STS: variants seen among roughly 807,000 people sequenced by gnomAD.
STS encodes the protein steroid sulfatase, also known as steryl-sulfatase.
STS carries 7 observed loss-of-function variants against 26.8 expected under a neutral mutation model. That is an observed-to-expected ratio of 0.26 (90% CI 0.15 to 0.49). The LOEUF is 0.49. Ranked by LOEUF, STS falls within the 20% of genes least tolerant of loss-of-function variation. The pLI is 0.98. For missense variants in STS, 434 were observed against 465.6 expected (o/e 0.93, Z 0.63); for synonymous variants, 199 against 189.4 (o/e 1.05, Z -0.42).
At chrX:7,260,066 G>A (rs1242454987) in intron 6 of STS, among the ~76,000 whole-genome samples, 1 of 111,414 alleles carries the variant, frequency 9.0e-6, no homozygotes, top group Non-Finnish European at 1.9e-5. Flanking sequence ...TAGTAGAGAC[G>A]GGGTTTCACC....
chrX:7,301,354 T>C (rs1925957502), intron 7 of STS, among the ~76,000 whole-genome samples: 1 of 110,750 alleles, frequency 9.0e-6, no homozygotes, highest in Non-Finnish European at 1.9e-5. Context: ...ATTGTGACAC[T>C]GCACTTCAGC....
chrX:7,157,180 C>T (rs1208584391), intron 1 of STS, among the ~76,000 whole-genome samples: 1 of 111,860 alleles, frequency 8.9e-6, no homozygotes, highest in Admixed American at 9.5e-5. Context: ...GCTCTCATCC[C>T]ACTTGCCCAA....
chrX:7,232,376 C>G (rs1287950858), intron 2 of STS, among the ~76,000 whole-genome samples: 2 of 111,571 alleles, frequency 1.8e-5, no homozygotes, highest in Non-Finnish European at 3.8e-5. Flanking sequence ...GACTTTATCC[C>G]CTTTATTTTT....
intron 7 of STS, among the ~76,000 whole-genome samples, chrX:7,277,753 A>G (rs1326266949): frequency 8.9e-6 from 1 of 112,530 alleles, no homozygotes; most frequent in Non-Finnish European, 1.9e-5. Context: ...TATAAGAAGA[A>G]TGCATTACGC....
chrX:7,219,566 G>A (rs1194894460), intron 2 of STS: 4 of 1,205,999 alleles, frequency 3.3e-6, no homozygotes, highest in Non-Finnish European at 4.5e-6. Context: ...ATGGGAATAT[G>A]CTTATTAAAC....
At chrX:7,325,536 T>C (rs1424694625) in intron 9 of STS, 38 bp downstream of exon 9, 8 of 1,198,352 alleles carry the variant, frequency 6.7e-6, no homozygotes, top group Non-Finnish European at 9.0e-6. Context: ...TGTTGAGCTC[T>C]GATTTCACAG....
intron 2 of STS, among the ~76,000 whole-genome samples, chrX:7,240,293 G>T (rs1419374561): frequency 9.2e-6 from 1 of 108,388 alleles, no homozygotes; most frequent in Non-Finnish European, 1.9e-5. Context: ...TGAATGATAT[G>T]CTGAGCTAAC....
chrX:7,330,408 A>G (rs998963945), intron 9 of STS, among the ~76,000 whole-genome samples: 1 of 112,081 alleles, frequency 8.9e-6, no homozygotes, highest in Non-Finnish European at 1.9e-5. Context: ...CATTTTAACC[A>G]TAGACCCTTC....
chrX:7,219,047 A>G (rs1259342446), intron 2 of STS, among the ~76,000 whole-genome samples: 1 of 112,223 alleles, frequency 8.9e-6, no homozygotes, highest in Non-Finnish European at 1.9e-5. Flanking sequence ...AAAAGCTAAA[A>G]CCACCTCAGC....
At chrX:7,167,588 G>A (rs1387436647) in intron 1 of STS, among the ~76,000 whole-genome samples, 2 of 112,155 alleles carry the variant, frequency 1.8e-5, no homozygotes, top group African/African-American at 3.2e-5. Flanking sequence ...CTCTTCATGA[G>A]AGGCATCTTA....
At chrX:7,298,731 T>C (rs1220711321) in intron 7 of STS, among the ~76,000 whole-genome samples, 1 of 109,399 alleles carries the variant, frequency 9.1e-6, no homozygotes, top group Non-Finnish European at 1.9e-5. Context: ...GCAACTCTTA[T>C]CTATCTTAAA....
intron 8 of STS, among the ~76,000 whole-genome samples, chrX:7,325,002 G>T (rs1479832722): frequency 9.0e-6 from 1 of 111,079 alleles, no homozygotes; most frequent in Non-Finnish European, 1.9e-5. Flanking sequence ...CACAGCTGGT[G>T]TAAAGTAGAA....
At chrX:7,326,479 T>G (rs1927481900) in intron 9 of STS, among the ~76,000 whole-genome samples, 2 of 111,643 alleles carry the variant, frequency 1.8e-5, no homozygotes, top group Admixed American at 1.9e-4. Flanking sequence ...CACCTTTTCC[T>G]TTGTCCACAC....
chrX:7,162,264 C>T (rs1933259074), intron 1 of STS, among the ~76,000 whole-genome samples: 1 of 111,606 alleles, frequency 9.0e-6, no homozygotes, highest in Non-Finnish European at 1.9e-5. Flanking sequence ...GAGGATGTGG[C>T]AATGATGAAG....
At chrX:7,204,715 A>C (rs802885) in intron 2 of STS, among the ~76,000 whole-genome samples, 6 of 91,262 alleles carry the variant, frequency 6.6e-5, no homozygotes, top group African/African-American at 2.0e-4. Flanking sequence ...TCATTCCTTC[A>C]TTTTTCCTTC....
Position 7,235,130 on chromosome X carries a change from G to A in STS, c.-4-18066G>A, listed in dbSNP as rs1251087423. Among the ~76,000 whole-genome samples the A allele has an allele frequency of 3.6e-5, 4 of 112,143 alleles. No homozygotes were observed. The East Asian group carries it at 1.1e-3, about 31-fold the overall frequency. ...GGTAAGCTGTGATGAGTGGTTCATA[G>A]CAAAGCATTTGGATTTGGAGGTTGG... On this transcript the variant is annotated intron_variant, in intron 2 of 10. Coordinates refer to ENST00000674429, the MANE Select transcript of STS (RefSeq NM_001320752.2).
At chrX:7,298,510 AT>A (rs1416724540) in intron 7 of STS, among the ~76,000 whole-genome samples, 1 of 111,544 alleles carries the variant, frequency 9.0e-6, no homozygotes, top group Non-Finnish European at 1.9e-5. Context: ...AGTGACAGAT[AT>A]ACCCTGATGT....
chrX:7,243,633 A>G (rs1487744053), intron 2 of STS, among the ~76,000 whole-genome samples: 5 of 111,957 alleles, frequency 4.5e-5, no homozygotes, highest in Non-Finnish European at 9.4e-5. Flanking sequence ...AACAGAGACT[A>G]TCACATTCCC....
At chrX:7,204,735 C>G (rs1934163538) in intron 2 of STS, among the ~76,000 whole-genome samples, 1 of 100,554 alleles carries the variant, frequency 9.9e-6, no homozygotes, top group African/African-American at 3.7e-5. Context: ...CCTTCCTTCC[C>G]TTCTTTCTTC....
Sources: allele counts gnomAD v4.1 joint callset (sites outside exome capture counted in the v4.1 genomes callset), GRCh38; gene constraint gnomAD v4.1.1; transcripts MANE v1.5; gene names NCBI Gene and HGNC (gene_info 2026-07-23, HGNC 2026-07-21).